Variants in ADAM23 observed in about 807,000 individuals in gnomAD.
ADAM23 encodes the protein ADAM metallopeptidase domain 23, also known as disintegrin and metalloproteinase domain-containing protein 23.
A neutral mutation model predicts 120.1 loss-of-function variants in ADAM23; 33 were observed. The ratio of observed to expected loss-of-function variants is 0.27; its 90% CI spans 0.21 to 0.37. The LOEUF is 0.37. Ranked by LOEUF, ADAM23 falls within the 10% of genes least tolerant of loss-of-function variation. The pLI, the probability that ADAM23 is intolerant of heterozygous loss-of-function variation, is 1.00. For missense variants in ADAM23, 862 were observed against 1,058.2 expected (o/e 0.81, Z 2.57); for synonymous variants, 367 against 375.2 (o/e 0.98, Z 0.25).
Position 206,457,043 on chromosome 2 carries a change from T to A in ADAM23, c.432+11519T>A, listed in dbSNP as rs538789473. 2.6e-5 allele frequency among the ~76,000 whole-genome samples: 4 copies of A among 152,356 alleles called. No homozygotes were observed. In the South Asian group the frequency reaches 8.3e-4, roughly 32 times the overall value. ...TATTGCAGATGGGCTCCATTAACAATGTGAATCAATCAATGCTTAAGAGAG... is the reference window on the plus strand; with the variant it reads ...TATTGCAGATGGGCTCCATTAACAAAGTGAATCAATCAATGCTTAAGAGAG... On this transcript the variant is annotated intron_variant, in intron 2 of 25. Coordinates refer to ENST00000264377, the MANE Select transcript of ADAM23 (RefSeq NM_003812.4).
chr2:206,467,040 A>C (rs2105864909), intron 2 of ADAM23, among the ~76,000 whole-genome samples: 1 of 152,342 alleles, frequency 6.6e-6, no homozygotes, highest in African/African-American at 2.4e-5. Flanking sequence ...AAACCATGGA[A>C]AACCGCTTGC....
chr2:206,541,279 A>C (rs1697285781), intron 4 of ADAM23, among the ~76,000 whole-genome samples: 1 of 152,190 alleles, frequency 6.6e-6, no homozygotes, highest in Non-Finnish European at 1.5e-5. Flanking sequence ...TACAATAATT[A>C]TAGTGGCAGA....
intron 4 of ADAM23, among the ~76,000 whole-genome samples, chr2:206,536,476 G>T (rs115354916): frequency 0.019 from 2,937 of 152,116 alleles, 54 homozygotes; most frequent in South Asian, 0.038. Context: ...TAGGTCAGAT[G>T]GTACAAAGTT....
intron 25 of ADAM23, among the ~76,000 whole-genome samples, chr2:206,617,279 T>C (rs969262680): frequency 6.6e-6 from 1 of 152,226 alleles, no homozygotes; most frequent in African/African-American, 2.4e-5. Context: ...TGATTATTTC[T>C]GAAATAAGAG....
chr2:206,503,687 A>G (rs992325644), intron 3 of ADAM23, among the ~76,000 whole-genome samples: 1 of 152,154 alleles, frequency 6.6e-6, no homozygotes, highest in Non-Finnish European at 1.5e-5. Flanking sequence ...TTGGCAAAGT[A>G]TACTTTCTAT....
At chr2:206,572,995 T>TA (rs780298960) in intron 17 of ADAM23, 120 bp from the exon 18 acceptor site, 12 of 988,064 alleles carry the variant, frequency 1.2e-5, no homozygotes, top group Non-Finnish European at 1.9e-5. Context: ...TGCTAATTCT[T>TA]AAAAAGAGTT....
At chr2:206,506,898 G>C (rs1001081142) in intron 3 of ADAM23, among the ~76,000 whole-genome samples, 3 of 152,112 alleles carry the variant, frequency 2.0e-5, no homozygotes, top group African/African-American at 7.2e-5. Context: ...TGAAACAGCA[G>C]GTATTTGTCA....
intron 3 of ADAM23, among the ~76,000 whole-genome samples, chr2:206,487,921 G>GT (rs1489011067): frequency 1.3e-5 from 2 of 152,214 alleles, no homozygotes; most frequent in African/African-American, 4.8e-5. Flanking sequence ...AAACTGAGGA[G>GT]TAGACCCAAA....
intron 3 of ADAM23, among the ~76,000 whole-genome samples, chr2:206,528,274 A>G (rs1290360969): frequency 2.0e-5 from 3 of 152,212 alleles, no homozygotes; most frequent in Admixed American, 6.5e-5. Flanking sequence ...GCTGGTAGCC[A>G]ACTTAATTAA....
chr2:206,550,207 G>T, intron 9 of ADAM23, 47 bp downstream of exon 9: 1 of 1,178,786 alleles, frequency 8.5e-7, no homozygotes, highest in South Asian at 1.6e-5. Flanking sequence ...GCTTACTTAA[G>T]AAAGAATACA....
chr2:206,534,868 C>A (rs1285611798), intron 4 of ADAM23, among the ~76,000 whole-genome samples: 1 of 152,082 alleles, frequency 6.6e-6, no homozygotes, highest in Non-Finnish European at 1.5e-5. Flanking sequence ...CTGGCTTCTT[C>A]CTATTCCGTT....
intron 21 of ADAM23, among the ~76,000 whole-genome samples, chr2:206,590,922 A>G (rs1698413988): frequency 6.6e-6 from 1 of 152,192 alleles, no homozygotes; most frequent in Non-Finnish European, 1.5e-5. Flanking sequence ...GACCTCAAAA[A>G]GTTTGAGAGG....
chr2:206,551,855 AAT>A (rs1293601650), intron 9 of ADAM23, among the ~76,000 whole-genome samples: 1 of 152,128 alleles, frequency 6.6e-6, no homozygotes, highest in Non-Finnish European at 1.5e-5. Flanking sequence ...GTTGCCTTTA[AAT>A]ATATTGCTTG....
intron 4 of ADAM23, among the ~76,000 whole-genome samples, chr2:206,531,469 T>A (rs1444482259): frequency 1.3e-5 from 2 of 152,210 alleles, no homozygotes; most frequent in Non-Finnish European, 2.9e-5. Flanking sequence ...TAAGCCTGCT[T>A]AAGGCCACGG....
chr2:206,567,451 T>C lies in ADAM23; in HGVS notation c.1494+129T>C, dbSNP rs557632754. The C allele has an allele frequency of 2.1e-5, 13 of 616,198 alleles. No individual in the cohort carries two copies. In the African/African-American group the frequency reaches 2.4e-4, roughly 11 times the overall value. 38.2% of individuals were successfully genotyped at this position (616,198 alleles called of 1,614,324 possible). ...TGTCAATCAGATTAATATTTAGTTA[T>C]AAAAGTCCTTATCATGTTAAAGATT... is the stretch of plus-strand genomic sequence containing the variant. On this transcript the variant is annotated intron_variant, in intron 15 of 25. Coordinates refer to ENST00000264377, the MANE Select transcript of ADAM23 (RefSeq NM_003812.4).
At chr2:206,502,343 C>G (rs1010329737) in intron 3 of ADAM23, among the ~76,000 whole-genome samples, 1 of 151,982 alleles carries the variant, frequency 6.6e-6, no homozygotes, top group South Asian at 2.1e-4. Context: ...CCAGCAGAAA[C>G]TTTTCTTCTG....
chr2:206,516,409 A>G (rs1429982634), intron 3 of ADAM23, among the ~76,000 whole-genome samples: 2 of 152,118 alleles, frequency 1.3e-5, no homozygotes, highest in African/African-American at 4.8e-5. Flanking sequence ...TCAGGCTGCT[A>G]TAGCAAAATT....
At chr2:206,475,568 G>T (rs1475570913) in intron 2 of ADAM23, among the ~76,000 whole-genome samples, 1 of 151,056 alleles carries the variant, frequency 6.6e-6, no homozygotes, top group South Asian at 2.1e-4. Context: ...TGTGCCTACT[G>T]TTTTCGTATG....
chr2:206,500,061 A>G (rs374939075), intron 3 of ADAM23, among the ~76,000 whole-genome samples: 2 of 152,252 alleles, frequency 1.3e-5, no homozygotes, highest in South Asian at 2.1e-4. Flanking sequence ...AAAATATTGC[A>G]CGACTTGTTT....
Sources: gnomAD v4.1 joint callset for allele counts (sites outside exome capture counted in the v4.1 genomes callset) on GRCh38, gnomAD v4.1.1 for gene constraint, MANE v1.5 for transcripts, NCBI Gene and HGNC (gene_info 2026-07-23, HGNC 2026-07-21) for gene names.